The following EIF2S3 variants were observed in gnomAD, a reference collection of about 807,000 sequenced individuals.
EIF2S3 encodes the protein eukaryotic translation initiation factor 2 subunit gamma.
A neutral mutation model predicts 31.7 loss-of-function variants in EIF2S3; 2 were observed. The ratio of observed to expected loss-of-function variants is 0.06; its 90% CI spans 0.03 to 0.20. EIF2S3 has a LOEUF of 0.20. Among genes scored for constraint, EIF2S3 ranks in the 10% least tolerant of loss-of-function variants. EIF2S3 has a pLI of 1.00. For missense variants in EIF2S3, 96 were observed against 359.3 expected (o/e 0.27, Z 5.92); for synonymous variants, 120 against 126.7 (o/e 0.95, Z 0.36).
chrX:24,058,843 C>T (rs1293111553), intron 4 of EIF2S3, among the ~76,000 whole-genome samples: 2 of 111,363 alleles, frequency 1.8e-5, no homozygotes, highest in Non-Finnish European at 3.8e-5. Flanking sequence ...TCCGCCTCGG[C>T]CTCCCAAAGT....
chrX:24,073,910 A>T (rs1930711366), intron 11 of EIF2S3, among the ~76,000 whole-genome samples: 1 of 112,292 alleles, frequency 8.9e-6, no homozygotes, highest in Admixed American at 9.5e-5. Flanking sequence ...ACAAACACAC[A>T]TACAGATTTA....
rs1287917658 is a variant in EIF2S3 at position 24,077,799 on chromosome X, T to G, written c.*1014T>G. 8.9e-6 allele frequency: 1 copy of G among 111,808 alleles called. No homozygotes were observed. Among genetic ancestry groups the G allele is most frequent in the African/African-American group, 3.2e-5 (1 of 30,788 alleles). 9.2% of individuals were successfully genotyped at this position (111,808 alleles called of 1,213,427 possible). A position where few individuals can be genotyped will look rare whatever the true frequency, so the allele number is the denominator to read the frequency against. ...TTAATGCCTGAAATCCAAGTCTTCC[T>G]CCATGGGAAAATACTGTTATACCAA... On this transcript the variant is annotated 3_prime_UTR_variant, in exon 12 of 12. Transcript: ENST00000253039.
intron 5 of EIF2S3, among the ~76,000 whole-genome samples, chrX:24,061,574 AT>A (rs1156618611): frequency 9.3e-6 from 1 of 108,076 alleles, no homozygotes; most frequent in Non-Finnish European, 1.9e-5. Flanking sequence ...CAAAAAAAAA[AT>A]TTTTTTTTTA....
At chrX:24,068,146 A>T in intron 9 of EIF2S3, 38 bp downstream of exon 9, 1 of 1,149,364 alleles carries the variant, frequency 8.7e-7, no homozygotes, top group Middle Eastern at 2.4e-4. Flanking sequence ...ATTTGTGGCT[A>T]TTTGTGGTAC....
At chrX:24,065,905 A>C (rs1049309067) in intron 7 of EIF2S3, 93 bp from the exon 8 acceptor site, 1 of 802,166 alleles carries the variant, frequency 1.2e-6, no homozygotes, top group Non-Finnish European at 1.8e-6. Context: ...TATAAATCTC[A>C]AATGGCCACT....
chrX:24,061,172 G>A (rs1005810531), intron 5 of EIF2S3, among the ~76,000 whole-genome samples: 23 of 104,378 alleles, frequency 2.2e-4, no homozygotes, highest in African/African-American at 6.4e-4. Context: ...CACGAGAATC[G>A]CTTGAACCCA....
rs1314852841 is a variant in EIF2S3 at position 24,077,827 on chromosome X, A to G, written c.*1042A>G. On this transcript the variant is annotated 3_prime_UTR_variant, in exon 12 of 12. Coordinates refer to ENST00000253039, the MANE Select transcript of EIF2S3 (RefSeq NM_001415.4). ...ATGGGAAAATACTGTTATACCAAAT[A>G]ATTCTAGATGAGTAACAAAGATCTT... 2.7e-5 allele frequency: 3 copies of G among 111,693 alleles called. No homozygotes were observed. The highest frequency in any genetic ancestry group is 9.7e-5 in the African/African-American group (3 of 30,786). 9.2% of individuals were successfully genotyped at this position (111,693 alleles called of 1,213,427 possible). A position where few individuals can be genotyped will look rare whatever the true frequency, so the allele number is the denominator to read the frequency against.
At position 24,058,548 on chromosome X, in the gene EIF2S3, T is replaced by TC. The variant is rs1163234363; in HGVS notation, c.383+794_383+795insC. 2.1e-3 allele frequency among the ~76,000 whole-genome samples: 201 copies of TC among 97,554 alleles called. 1 individual carries two copies. Among genetic ancestry groups the TC allele is most frequent in the African/African-American group, 7.3e-3 (191 of 26,299 alleles). The allele number at this position is 97,554 out of a possible 115,157, so 84.7% of individuals were successfully genotyped here. On this transcript the variant is annotated intron_variant, in intron 4 of 11. Transcript: ENST00000253039. ...TTTTTTTTTCTTTCTTTTTTTTTTTTTTTTTTTTGAGACAGTCTCTGTTGC... is the reference window on the plus strand; with the variant it reads ...TTTTTTTTTCTTTCTTTTTTTTTTTTCTTTTTTTTGAGACAGTCTCTGTTGC...
intron 4 of EIF2S3, 91 bp from the exon 5 acceptor site, chrX:24,059,997 T>G (rs183553688): frequency 1.5e-3 from 1,022 of 684,192 alleles, no homozygotes; most frequent in Non-Finnish European, 1.8e-3. Flanking sequence ...ATAAGATTAT[T>G]TCCTAAGTTG....
At chrX:24,074,180 C>T (rs1379019117) in intron 11 of EIF2S3, among the ~76,000 whole-genome samples, 2 of 112,300 alleles carry the variant, frequency 1.8e-5, no homozygotes, top group East Asian at 5.5e-4. Context: ...GATCTTTAAT[C>T]TGGAGCTTTT....
chrX:24,061,285 G>A (rs190154652), intron 5 of EIF2S3, among the ~76,000 whole-genome samples: 1,856 of 104,385 alleles, frequency 0.018, 49 homozygotes, highest in African/African-American at 0.063. Context: ...AGCTGGGTGC[G>A]GTGGCTCACA....
intron 2 of EIF2S3, among the ~76,000 whole-genome samples, chrX:24,056,326 C>T (rs754933460): frequency 4.5e-5 from 5 of 111,684 alleles, no homozygotes; most frequent in East Asian, 5.6e-4. Flanking sequence ...GAACTACTGC[C>T]CCTGCATTAA....
intron 8 of EIF2S3, among the ~76,000 whole-genome samples, chrX:24,066,523 C>T (rs868305948): frequency 2.1e-5 from 2 of 94,306 alleles, no homozygotes; most frequent in Admixed American, 1.3e-4. Flanking sequence ...CTTTTCTTTT[C>T]TTTTTTTTTT....
intron 11 of EIF2S3, 147 bp downstream of exon 11, chrX:24,073,410 C>T (rs1220117031): frequency 1.9e-5 from 15 of 786,083 alleles, no homozygotes; most frequent in Middle Eastern, 7.3e-4. Context: ...AACTATACTT[C>T]GGCCGGGTGC....
intron 9 of EIF2S3, among the ~76,000 whole-genome samples, chrX:24,068,913 A>G (rs1220682896): frequency 8.9e-6 from 1 of 111,891 alleles, no homozygotes; most frequent in Non-Finnish European, 1.9e-5. Context: ...AACTTAGTGT[A>G]TTACTCAATA....
intron 9 of EIF2S3, among the ~76,000 whole-genome samples, chrX:24,069,530 G>A (rs967389159): frequency 9.1e-6 from 1 of 109,539 alleles, no homozygotes; most frequent in Non-Finnish European, 1.9e-5. Flanking sequence ...GAAACCATGA[G>A]ATGCCATTTC....
chrX:24,076,497 G>A (rs187805847), intron 11 of EIF2S3, among the ~76,000 whole-genome samples: 5 of 111,891 alleles, frequency 4.5e-5, no homozygotes, highest in Non-Finnish European at 5.6e-5. Context: ...TCGTACCACC[G>A]CACTCCAGAC....
At position 24,076,926 on chromosome X, in the gene EIF2S3, C is replaced by A; in HGVS notation, c.*141C>A. The A allele has an allele frequency of 1.1e-4, 21 of 183,590 alleles. No homozygotes were observed. Among genetic ancestry groups the A allele is most frequent in the South Asian group, 2.1e-4 (1 of 4,671 alleles). The allele number at this position is 183,590 out of a possible 1,213,427, so 15.1% of individuals were successfully genotyped here. A position where few individuals can be genotyped will look rare whatever the true frequency, so the allele number is the denominator to read the frequency against. On this transcript the variant is annotated 3_prime_UTR_variant, in exon 12 of 12. Transcript: ENST00000253039. ...TAGTAGGTAACGGTAAGGTTATTCT[C>A]TTTTTTTTTTTTTTTTTTTTTGGTT...
intron 6 of EIF2S3, among the ~76,000 whole-genome samples, chrX:24,063,673 G>T (rs1930527372): frequency 9.0e-6 from 1 of 110,614 alleles, no homozygotes; most frequent in African/African-American, 3.3e-5. Flanking sequence ...TATGTAGGAG[G>T]CTGAAGTGGG....
Sources: allele counts gnomAD v4.1 joint callset (sites outside exome capture counted in the v4.1 genomes callset), GRCh38; gene constraint gnomAD v4.1.1; transcripts MANE v1.5; gene names NCBI Gene and HGNC (gene_info 2026-07-23, HGNC 2026-07-21).